Variants in ANKRD11 observed in about 807,000 individuals in gnomAD.
ANKRD11 encodes the protein ankyrin repeat domain 11.
A neutral mutation model predicts 195.7 loss-of-function variants in ANKRD11; 17 were observed. That is an observed-to-expected ratio of 0.09 (90% CI 0.06 to 0.13). ANKRD11 has a LOEUF of 0.13. Ranked by LOEUF, ANKRD11 falls within the 10% of genes least tolerant of loss-of-function variation. The pLI is 1.00. For synonymous variants in ANKRD11, 1,953 were observed against 1,528.1 expected (o/e 1.28, Z -6.49); for missense variants, 3,735 against 3,566.1 (o/e 1.05, Z -1.21).
intron 1 of ANKRD11, among the ~76,000 whole-genome samples, chr16:89,438,346 G>GTC (rs1429002933): frequency 6.6e-6 from 1 of 150,954 alleles, no homozygotes; most frequent in East Asian, 1.9e-4. Context: ...TCAACACAGA[G>GTC]TCTCACTCTG....
chr16:89,406,896 A>G (rs535906120), intron 2 of ANKRD11, among the ~76,000 whole-genome samples: 50 of 152,174 alleles, frequency 3.3e-4, no homozygotes, highest in Non-Finnish European at 5.6e-4. Flanking sequence ...TAAGAACATC[A>G]GGCCGGACGT....
intron 1 of ANKRD11, among the ~76,000 whole-genome samples, chr16:89,420,761 G>C (rs1229375225): frequency 6.6e-6 from 1 of 152,136 alleles, no homozygotes; most frequent in Admixed American, 6.5e-5. Flanking sequence ...TGTTGCCAAG[G>C]CTGGGAATGG....
chr16:89,379,560 C>A (rs188658343), intron 2 of ANKRD11, among the ~76,000 whole-genome samples: 98 of 152,304 alleles, frequency 6.4e-4, no homozygotes, highest in Non-Finnish European at 1.3e-3. Context: ...CTCACTGCAG[C>A]CTCAACCTCC....
chr16:89,354,404 G>C (rs1203886040), intron 2 of ANKRD11, among the ~76,000 whole-genome samples: 1 of 152,174 alleles, frequency 6.6e-6, no homozygotes, highest in Admixed American at 6.5e-5. Context: ...GCTTGACACA[G>C]TCAACACTGC....
At position 89,355,479 on chromosome 16, in the gene ANKRD11, C is replaced by A. The variant is rs559819427; in HGVS notation, c.-59-38401G>T. ...AATCAAGGCTGACAAGAATTCAAAG[C>A]CATTTCAAAGTGCTCCTCAGGGGTG... On this transcript the variant is annotated intron_variant, in intron 2 of 12. Coordinates refer to ENST00000301030, the MANE Select transcript of ANKRD11 (RefSeq NM_013275.6). Among the ~76,000 whole-genome samples the A allele has an allele frequency of 1.4e-3, 216 of 152,278 alleles. 1 individual carries two copies. Among genetic ancestry groups the A allele is most frequent in the African/African-American group, 4.9e-3 (202 of 41,550 alleles).
At chr16:89,333,290 G>A (rs1399652502) in intron 2 of ANKRD11, among the ~76,000 whole-genome samples, 2 of 152,212 alleles carry the variant, frequency 1.3e-5, no homozygotes, top group Admixed American at 6.5e-5. Context: ...ATGAAGTACA[G>A]AGGGTTCCCC....
chr16:89,307,837 G>GC (rs1167685085), intron 3 of ANKRD11, among the ~76,000 whole-genome samples: 3 of 152,254 alleles, frequency 2.0e-5, no homozygotes, highest in African/African-American at 2.4e-5. Context: ...AACACTCCTG[G>GC]CCCAGGGGGT....
intron 1 of ANKRD11, among the ~76,000 whole-genome samples, chr16:89,422,969 C>G (rs761011930): frequency 6.6e-6 from 1 of 152,168 alleles, no homozygotes; most frequent in African/African-American, 2.4e-5. Flanking sequence ...GTCTTCAATC[C>G]GCTAAGATGA....
At chr16:89,463,827 C>T (rs2056787538) in intron 1 of ANKRD11, among the ~76,000 whole-genome samples, 1 of 152,082 alleles carries the variant, frequency 6.6e-6, no homozygotes, top group Non-Finnish European at 1.5e-5. Flanking sequence ...GTTTAATGCT[C>T]CCATGGCTTT....
intron 2 of ANKRD11, among the ~76,000 whole-genome samples, chr16:89,343,278 C>T (rs1325434382): frequency 6.6e-6 from 1 of 152,196 alleles, no homozygotes; most frequent in African/African-American, 2.4e-5. Flanking sequence ...CAGGTGTGAG[C>T]CACCGCACTG....
At chr16:89,288,404 C>T in intron 7 of ANKRD11, 124 bp downstream of exon 7, 1 of 1,479,070 alleles carries the variant, frequency 6.8e-7, no homozygotes, top group Non-Finnish European at 9.2e-7. Context: ...TGAGGGTGGG[C>T]AAGGCGAAAA....
At chr16:89,464,837 A>G (rs1265741397) in intron 1 of ANKRD11, among the ~76,000 whole-genome samples, 2 of 152,154 alleles carry the variant, frequency 1.3e-5, no homozygotes, top group African/African-American at 4.8e-5. Context: ...AGTCAGGACC[A>G]CTGCAGAGGA....
At chr16:89,429,072 C>T (rs2042854870) in intron 1 of ANKRD11, among the ~76,000 whole-genome samples, 1 of 152,104 alleles carries the variant, frequency 6.6e-6, no homozygotes, top group Non-Finnish European at 1.5e-5. Context: ...AGAACAGCAA[C>T]GTCCCTGCAG....
intron 1 of ANKRD11, among the ~76,000 whole-genome samples, chr16:89,451,876 C>T (rs1448944159): frequency 2.0e-5 from 3 of 152,098 alleles, no homozygotes; most frequent in East Asian, 1.9e-4. Context: ...TAATCTAAGA[C>T]CTAAAGTTTA....
chr16:89,312,316 C>T (rs1033277878), intron 3 of ANKRD11, among the ~76,000 whole-genome samples: 5 of 152,202 alleles, frequency 3.3e-5, no homozygotes, highest in Non-Finnish European at 7.3e-5. Context: ...AATGCAAATT[C>T]GCTGCTTCAG....
At chr16:89,422,859 C>G (rs1379645621) in intron 1 of ANKRD11, among the ~76,000 whole-genome samples, 1 of 152,176 alleles carries the variant, frequency 6.6e-6, no homozygotes, top group Non-Finnish European at 1.5e-5. Flanking sequence ...TTAATTCACT[C>G]CCACTTTAAT....
At chr16:89,464,433 C>T (rs1438036083) in intron 1 of ANKRD11, among the ~76,000 whole-genome samples, 2 of 151,330 alleles carry the variant, frequency 1.3e-5, no homozygotes, top group Admixed American at 6.6e-5. Context: ...ATGGTGAAAC[C>T]TCATCTCTAC....
chr16:89,453,114 T>TTTG (rs1305375125), intron 1 of ANKRD11, among the ~76,000 whole-genome samples: 3 of 152,280 alleles, frequency 2.0e-5, no homozygotes, highest in Middle Eastern at 3.4e-3. Flanking sequence ...ACATTTCTTT[T>TTTG]TTGTTGTTGT....
intron 2 of ANKRD11, among the ~76,000 whole-genome samples, chr16:89,344,565 C>T (rs2038848305): frequency 6.6e-6 from 1 of 152,234 alleles, no homozygotes; most frequent in Admixed American, 6.5e-5. Context: ...TGTCTGAACG[C>T]TGCCTCAGCG....
Sources: allele counts gnomAD v4.1 joint callset (sites outside exome capture counted in the v4.1 genomes callset), GRCh38; gene constraint gnomAD v4.1.1; transcripts MANE v1.5; gene names NCBI Gene and HGNC (gene_info 2026-07-23, HGNC 2026-07-21).